Variants in FBXO24 observed in about 807,000 individuals in gnomAD.
FBXO24 encodes the protein F-box only protein 24.
FBXO24 carries 30 observed loss-of-function variants against 63.5 expected under a neutral mutation model. The observed-to-expected ratio is 0.47, with a 90% CI of 0.35 to 0.64. The LOEUF (loss-of-function observed/expected upper bound fraction) is 0.64. Ranked by LOEUF, FBXO24 falls within the 30% of genes least tolerant of loss-of-function variation. The probability of loss-of-function intolerance (pLI) is 0.00; values close to 1 mark genes in which losing one functional copy is unlikely to be tolerated. For missense variants in FBXO24, 624 were observed against 763.4 expected, an observed-to-expected ratio of 0.82 and a Z score of 2.15; for synonymous variants, 300 against 305.0, an observed-to-expected ratio of 0.98 and a Z score of 0.17.
chr7:100,591,676 GC>G lies in FBXO24; in HGVS notation c.334del (p.Leu112CysfsTer21). The G allele has an allele frequency of 6.2e-7, 1 of 1,614,122 alleles. No individual in the cohort carries two copies. Among genetic ancestry groups the G allele is most frequent in the Non-Finnish European group, 8.5e-7 (1 of 1,180,002 alleles). On this transcript the variant is annotated frameshift_variant, in exon 4 of 10. Transcript: ENST00000241071. LOFTEE classifies it high-confidence loss of function. ...TCCTTCCTTCCTCCAGACACGAAGG[GC>G]CTGTATTTCCAGGCATTTGGAGGCC... Reference protein sequence around the residue: ...KRAAILNYTKGLYFQAFGGRR... With the variant: ...KRAAILNYTKXLYFQAFGGRR...
chr7:100,599,948 A>G, intron 8 of FBXO24, 83 bp from the exon 9 acceptor site: 4 of 1,469,266 alleles, frequency 2.7e-6, no homozygotes, highest in African/African-American at 1.4e-5. Flanking sequence ...TTCTGCCCCG[A>G]GCCTTCCAGT....
At chr7:100,589,533 G>C in intron 1 of FBXO24, 1 of 1,396,040 alleles carries the variant, frequency 7.2e-7, no homozygotes, top group Non-Finnish European at 9.3e-7. Context: ...ACAGGTCACA[G>C]TGGCCAAACA....
Position 100,594,489 on chromosome 7 carries a change from C to A in FBXO24, c.900C>A (p.His300Gln), listed in dbSNP as rs1802200491. The part of the protein sequence containing the change: ...ALRKVSHYLP[H>Q]LRVACMTSNQ... ...GGAAGGTGTCCCACTACCTGCCTCA[C>A]CTGCGCGTGGCCTGCATGACTTCCA... Residue 300 changes from histidine (H) to glutamine (Q), a missense_variant, in exon 6 of 10, where the codon CAC (histidine) becomes CAA (glutamine). Transcript: ENST00000241071. This position sits in a 1 kb window ranked among gnomAD's most constrained non-coding sequence, Gnocchi z 4.2. The A allele has an allele frequency of 6.2e-7, 1 of 1,613,432 alleles. No homozygotes were observed. The highest frequency in any genetic ancestry group is 1.3e-5 in the African/African-American group (1 of 75,006).
At chr7:100,588,281 G>T (rs1306023504) in intron 1 of FBXO24, among the ~76,000 whole-genome samples, 2 of 152,196 alleles carry the variant, frequency 1.3e-5, no homozygotes, top group East Asian at 3.9e-4. Flanking sequence ...ATACCTTTCT[G>T]TCTACTTGGA....
At chr7:100,598,003 G>T (rs983862083) in intron 8 of FBXO24, among the ~76,000 whole-genome samples, 5 of 151,446 alleles carry the variant, frequency 3.3e-5, no homozygotes, top group Admixed American at 1.3e-4. Flanking sequence ...GGGATTACAG[G>T]TGTGAGCCAC....
Position 100,590,365 on chromosome 7 carries a change from T to C in FBXO24, c.322+8T>C. On this transcript the variant is annotated splice_region_variant and intron_variant, in intron 3 of 9. Coordinates refer to ENST00000241071, the MANE Select transcript of FBXO24 (RefSeq NM_033506.3). ...GAGCTGCCATTCTGAACTGTACACCTTCCCCAGAACCTCCCGTTCTCCTTG... is the reference window on the plus strand; with the variant it reads ...GAGCTGCCATTCTGAACTGTACACCCTCCCCAGAACCTCCCGTTCTCCTTG... The C allele has an allele frequency of 6.2e-7, 1 of 1,600,866 alleles. No homozygotes were observed.
intron 1 of FBXO24, 106 bp downstream of exon 1, chr7:100,586,770 G>T (rs1413074534): frequency 1.6e-6 from 2 of 1,271,322 alleles, no homozygotes; most frequent in Non-Finnish European, 2.3e-6. Flanking sequence ...GACGTGTTAG[G>T]GGGCTAGCCG....
chr7:100,596,424 A>G (rs1469269981), intron 8 of FBXO24, among the ~76,000 whole-genome samples: 1 of 152,214 alleles, frequency 6.6e-6, no homozygotes, highest in Non-Finnish European at 1.5e-5. Context: ...GTCTCACTAA[A>G]GCACAGAAGG....
At chr7:100,593,410 C>T (rs1245996611) in intron 5 of FBXO24, among the ~76,000 whole-genome samples, 1 of 151,976 alleles carries the variant, frequency 6.6e-6, no homozygotes, top group Non-Finnish European at 1.5e-5. Context: ...GCGGGTGGAT[C>T]ACGAGGTCAA....
In FBXO24 at chr7:100,586,480, G is replaced by T. The variant is rs1053840208; in HGVS notation, c.-146G>T. On this transcript the variant is annotated 5_prime_UTR_variant, in exon 1 of 10. Coordinates refer to ENST00000241071, the MANE Select transcript of FBXO24 (RefSeq NM_033506.3). The stretch of plus-strand genomic sequence containing the variant: ...TAGCAGGAAAACGGGCCGAGGGACC[G>T]CAAGCAGGGGGTGCCTAGTCCTCGT... 3.6e-6 allele frequency: 3 copies of T among 831,288 alleles called. No homozygotes were observed. The East Asian group carries it at 7.9e-5, about 22-fold the overall frequency. The allele number at this position is 831,288 out of a possible 1,614,324, so 51.5% of individuals were successfully genotyped here.
intron 8 of FBXO24, 198 bp from the exon 9 acceptor site, chr7:100,599,833 T>A: frequency 6.6e-6 from 4 of 604,710 alleles, no homozygotes; most frequent in South Asian, 5.9e-5. Flanking sequence ...CCAACAGAAG[T>A]GCAAGACCCT....
Position 100,586,445 on chromosome 7 carries a change from G to C in FBXO24, c.-181G>C. 1 of 676,012 alleles carries C rather than the reference G, an allele frequency of 1.5e-6. No homozygotes were observed. The highest frequency in any genetic ancestry group is 2.6e-6 in the Non-Finnish European group (1 of 384,720). The allele number at this position is 676,012 out of a possible 1,614,324, so 41.9% of individuals were successfully genotyped here. ...GGTCCAACCAAGAGGAGGGGACACC[G>C]GCACTCCACTAGCAGGAAAACGGGC... On this transcript the variant is annotated 5_prime_UTR_variant, in exon 1 of 10. Transcript: ENST00000241071.
Position 100,586,551 on chromosome 7 carries a change from A to T in FBXO24, c.-75A>T. On this transcript the variant is annotated 5_prime_UTR_variant, in exon 1 of 10. It adds an upstream start codon to the 5' untranslated region. Transcript: ENST00000241071. Reference sequence around the variant, plus strand: ...GCCAGATACAGGCGAGTGACTGTCAAGAAGGCCAATTAGAGCCTCCGAAGG... The same window carrying T: ...GCCAGATACAGGCGAGTGACTGTCATGAAGGCCAATTAGAGCCTCCGAAGG... 1 of 1,504,518 alleles carries T rather than the reference A, an allele frequency of 6.6e-7. No homozygotes were observed. The highest frequency in any genetic ancestry group is 1.7e-4 in the Middle Eastern group (1 of 5,854). The allele number at this position is 1,504,518 out of a possible 1,614,324, so 93.2% of individuals were successfully genotyped here.
At chr7:100,589,560 G>C in intron 1 of FBXO24, 2 of 1,421,514 alleles carry the variant, frequency 1.4e-6, no homozygotes, top group Non-Finnish European at 9.2e-7. Context: ...TCACAGAGAG[G>C]TTTGTTAGCC....
Position 100,600,819 on chromosome 7 carries a change from T to G in FBXO24, c.1663T>G (p.Phe555Val). 6.2e-7 allele frequency: 1 copy of G among 1,613,842 alleles called. No homozygotes were observed. Among genetic ancestry groups the G allele is most frequent in the Non-Finnish European group, 8.5e-7 (1 of 1,179,808 alleles). ...GCCCCTGATGGCCGCACAGAAGGAC[T>G]TCTTCTGGGAGGCCCTGGACATGCT... ...WMPLMAAQKDFFWEALDMLQR... is the reference protein window; with the variant it reads ...WMPLMAAQKDVFWEALDMLQR... Residue 555 changes from phenylalanine to valine, a missense_variant, in exon 10 of 10, where the codon TTC becomes GTC. Around this residue, in one of 3 missense-constraint regions of FBXO24, gnomAD observed 216 missense variants for 245.2 expected, o/e 0.88. Coordinates refer to ENST00000241071, the MANE Select transcript of FBXO24 (RefSeq NM_033506.3). The surrounding 1 kb of genome is among the most constrained non-coding windows in gnomAD (Gnocchi z 6.3).
chr7:100,588,931 T>G (rs964636700), intron 1 of FBXO24, among the ~76,000 whole-genome samples: 6 of 152,046 alleles, frequency 3.9e-5, no homozygotes, highest in African/African-American at 1.5e-4. Context: ...CAAGCAATCC[T>G]CCTGCCTCAG....
intron 3 of FBXO24, among the ~76,000 whole-genome samples, chr7:100,591,031 A>ATTTTTTTTTTTTTTTTT (rs930978218): frequency 1.2e-5 from 1 of 86,672 alleles, no homozygotes; most frequent in African/African-American, 4.7e-5. Context: ...TTTTTCTTTG[A>ATTTTTTTTTTTTTTTTT]TTTTTTTTTT....
At chr7:100,593,518 C>A (rs1488424072) in intron 5 of FBXO24, among the ~76,000 whole-genome samples, 1 of 151,860 alleles carries the variant, frequency 6.6e-6, no homozygotes, top group African/African-American at 2.4e-5. Flanking sequence ...GTCTAAGCTA[C>A]CTGGGAGGCT....
chr7:100,591,637 T>A, intron 3 of FBXO24, 30 bp from the exon 4 acceptor site: 1 of 1,606,596 alleles, frequency 6.2e-7, no homozygotes, highest in Non-Finnish European at 8.5e-7. Context: ...ATCTCATCCC[T>A]TGAACCTTCC....
Sources: gnomAD v4.1 joint callset for allele counts (sites outside exome capture counted in the v4.1 genomes callset) on GRCh38, gnomAD v4.1.1 for gene constraint, gnomAD v4.1.1 regional missense constraint, Gnocchi (gnomAD v3.1) non-coding constraint, MANE v1.5 for transcripts, NCBI Gene and HGNC (gene_info 2026-07-23, HGNC 2026-07-21) for gene names.